The following ST6GALNAC6 variants were observed in gnomAD, a reference collection of about 807,000 sequenced individuals.
ST6GALNAC6 encodes the protein alpha-N-acetylgalactosaminide alpha-2,6-sialyltransferase 6.
In ST6GALNAC6, 19 loss-of-function variants were observed where a neutral mutation model predicts 34.3. The ratio of observed to expected loss-of-function variants is 0.55; its 90% CI spans 0.39 to 0.81. The LOEUF is 0.81. Ranked by LOEUF, ST6GALNAC6 falls within the 40% of genes least tolerant of loss-of-function variation. The probability of loss-of-function intolerance (pLI) is 0.00; values close to 1 mark genes in which losing one functional copy is unlikely to be tolerated. For synonymous variants in ST6GALNAC6, 185 were observed against 182.1 expected (o/e 1.02, Z -0.13); for missense variants, 377 against 467.7 (o/e 0.81, Z 1.79).
intron 5 of ST6GALNAC6, among the ~76,000 whole-genome samples, chr9:127,889,027 A>G (rs560130908): frequency 6.6e-5 from 10 of 152,204 alleles, no homozygotes; most frequent in Non-Finnish European, 1.5e-4. Context: ...GATTATCTGC[A>G]TGGAAAATCC....
intron 1 of ST6GALNAC6, 125 bp from the exon 2 acceptor site, chr9:127,898,135 C>G (rs1588658511): frequency 1.5e-6 from 1 of 647,974 alleles, no homozygotes; most frequent in African/African-American, 1.8e-5. Flanking sequence ...TGGCTCACGT[C>G]TGTAATCCCA....
intron 3 of ST6GALNAC6, 128 bp from the exon 4 acceptor site, chr9:127,894,819 C>G: frequency 2.0e-6 from 2 of 998,396 alleles, no homozygotes; most frequent in Non-Finnish European, 3.0e-6. Context: ...CTACTTCCTC[C>G]AGGAAGGCCT....
Position 127,894,549 on chromosome 9 carries a change from C to T in ST6GALNAC6, c.260G>A (p.Ser87Asn), listed in dbSNP as rs755951213. The change falls in exon 4 of 7, where the codon AGC becomes AAC. Residue 87 changes from serine (S) to asparagine (N), a missense_variant. Coordinates refer to ENST00000373146, the MANE Select transcript of ST6GALNAC6 (RefSeq NM_013443.5). Reference protein sequence around the residue: ...SRRPVNLKKWSITDGYVPILG... With the variant: ...SRRPVNLKKWNITDGYVPILG... ...AATGGGGACATAGCCGTCAGTGATG[C>T]TCCACTTCTTGAGGTTGACAGGTCG... 11 of 1,614,166 alleles carry T rather than the reference C, an allele frequency of 6.8e-6. No homozygotes were observed. The South Asian group carries it at 1.2e-4, about 18-fold the overall frequency.
chr9:127,897,578 C>T (rs1830547895), intron 2 of ST6GALNAC6, among the ~76,000 whole-genome samples: 2 of 152,030 alleles, frequency 1.3e-5, no homozygotes, highest in African/African-American at 4.8e-5. Context: ...TCAGGGAGGC[C>T]CAGACTCCTA....
chr9:127,902,962 T>C (rs1311180607), upstream of ST6GALNAC6: 2 of 147,698 alleles, frequency 1.4e-5, no homozygotes, highest in African/African-American at 5.0e-5. Flanking sequence ...AAAAACAAAC[T>C]GCAATATATA....
At chr9:127,906,020 T>A, upstream of ST6GALNAC6, 3 of 985,278 alleles carry the variant, frequency 3.0e-6, no homozygotes, top group Non-Finnish European at 3.6e-6. Context: ...CTCAGGGCTC[T>A]CCTCCCCCCT....
At chr9:127,895,261 G>C (rs1020953699) in intron 3 of ST6GALNAC6, among the ~76,000 whole-genome samples, 9 of 152,222 alleles carry the variant, frequency 5.9e-5, no homozygotes, top group Non-Finnish European at 1.3e-4. Flanking sequence ...AAAAGCATTT[G>C]CTTCTTGGTT....
chr9:127,886,682 G>T lies in ST6GALNAC6; in HGVS notation c.919C>A (p.His307Asn). The T allele has an allele frequency of 6.2e-7, 1 of 1,614,154 alleles. No individual in the cohort carries two copies. The highest frequency in any genetic ancestry group is 8.5e-7 in the Non-Finnish European group (1 of 1,180,024). Reference sequence around the variant, plus strand: ...ACCCTTTTCTCGGTGATGAAGCGGTGGTGGTTGCCCTTGCGACTGTGCTCA... The same window carrying T: ...ACCCTTTTCTCGGTGATGAAGCGGTTGTGGTTGCCCTTGCGACTGTGCTCA... The part of the protein sequence containing the change: ...QNEHSRKGNH[H>N]RFITEKRVFS... The change falls in exon 7 of 7, where the codon CAC (histidine) becomes AAC (asparagine). Residue 307 changes from histidine (H) to asparagine (N), a missense_variant. By Grantham distance (68) the His-to-Asn change is moderately conservative. Coordinates refer to ENST00000373146, the MANE Select transcript of ST6GALNAC6 (RefSeq NM_013443.5).
chr9:127,899,909 T>C (rs917435037), upstream of ST6GALNAC6, among the ~76,000 whole-genome samples: 7 of 152,208 alleles, frequency 4.6e-5, no homozygotes, highest in African/African-American at 1.7e-4. Context: ...GAGCACGCTG[T>C]GCTTGCACTC....
chr9:127,898,132 C>T, intron 1 of ST6GALNAC6, 122 bp from the exon 2 acceptor site: 1 of 649,106 alleles, frequency 1.5e-6, no homozygotes, highest in East Asian at 2.8e-5. Context: ...CGGTGGCTCA[C>T]GTCTGTAATC....
chr9:127,888,489 G>A (rs1478235523), intron 5 of ST6GALNAC6, among the ~76,000 whole-genome samples: 12 of 129,414 alleles, frequency 9.3e-5, no homozygotes, highest in African/African-American at 3.6e-4. Context: ...GGGCAACAGA[G>A]TGAGACTCCT....
At chr9:127,899,947 A>G, upstream of ST6GALNAC6, among the ~76,000 whole-genome samples, 1 of 152,204 alleles carries the variant, frequency 6.6e-6, no homozygotes, top group East Asian at 1.9e-4. Flanking sequence ...GGCTCCCCAC[A>G]GAGGGCCTCC....
chr9:127,886,805 G>A lies in ST6GALNAC6; in HGVS notation c.813-17C>T, dbSNP rs766182890. 3.1e-5 allele frequency: 49 copies of A among 1,582,882 alleles called. No homozygotes were observed. In the East Asian group the frequency reaches 1.0e-3, roughly 33 times the overall value. On this transcript the variant is annotated splice_polypyrimidine_tract_variant and intron_variant, in intron 6 of 6. Coordinates refer to ENST00000373146, the MANE Select transcript of ST6GALNAC6 (RefSeq NM_013443.5). ...GGCCGCTGGCTGGGACAGAGCAGAC[G>A]GGCGTCATCAGGGCAAGGTGAGCGC...
At chr9:127,898,290 G>C (rs1467442973) in intron 1 of ST6GALNAC6, among the ~76,000 whole-genome samples, 2 of 152,226 alleles carry the variant, frequency 1.3e-5, no homozygotes, top group East Asian at 1.9e-4. Flanking sequence ...CTACTCCGGA[G>C]GCTGAGGCAG....
At position 127,886,296 on chromosome 9, in the gene ST6GALNAC6, G is replaced by A; in HGVS notation, c.*303C>T. 3.1e-6 allele frequency: 2 copies of A among 648,852 alleles called. No individual in the cohort carries two copies. Among genetic ancestry groups the A allele is most frequent in the East Asian group, 3.2e-5 (1 of 30,866 alleles). The allele number at this position is 648,852 out of a possible 1,614,324, so 40.2% of individuals were successfully genotyped here. A position where few individuals can be genotyped will look rare whatever the true frequency, so the allele number is the denominator to read the frequency against. ...TGGGGCTCTGAACCAAGGCCTCATG[G>A]GAAAGGACATGTCCTTAGCCTCAGA... On this transcript the variant is annotated 3_prime_UTR_variant, in exon 7 of 7. Transcript: ENST00000373146.
At chr9:127,905,443 C>G (rs1830892751), upstream of ST6GALNAC6, 1 of 985,462 alleles carries the variant, frequency 1.0e-6, no homozygotes, top group South Asian at 4.7e-5. Context: ...GTTAGAGGAG[C>G]CTCTGTGTCC....
chr9:127,890,575 G>T lies in ST6GALNAC6; in HGVS notation c.704+62C>A. 6.2e-7 allele frequency: 1 copy of T among 1,603,456 alleles called. No homozygotes were observed. Among genetic ancestry groups the T allele is most frequent in the Non-Finnish European group, 8.5e-7 (1 of 1,173,438 alleles). On this transcript the variant is annotated intron_variant, in intron 5 of 6. Transcript: ENST00000373146. This position sits in a 1 kb window ranked among gnomAD's most constrained non-coding sequence, Gnocchi z 4.3. ...GCATGCTGGGAGCAACAGGCCCTCT[G>T]GATGGGGCATGCTGAGAAGGAGCAC...
chr9:127,905,553 G>T, upstream of ST6GALNAC6: 1 of 526,038 alleles, frequency 1.9e-6, no homozygotes, highest in Non-Finnish European at 2.4e-6. Flanking sequence ...CAGAACCAGT[G>T]GACACTGGGC....
chr9:127,897,519 A>T (rs1588656749), intron 2 of ST6GALNAC6: 6 of 813,616 alleles, frequency 7.4e-6, no homozygotes, highest in Non-Finnish European at 8.8e-6. Context: ...AGCGCCCCTC[A>T]TCCGGAGCTC....
Sources: allele counts gnomAD v4.1 joint callset (sites outside exome capture counted in the v4.1 genomes callset), GRCh38; gene constraint gnomAD v4.1.1; non-coding constraint Gnocchi (gnomAD v3.1); transcripts MANE v1.5; gene names NCBI Gene and HGNC (gene_info 2026-07-23, HGNC 2026-07-21).